HMCN1: variants seen among roughly 807,000 people sequenced by gnomAD.
The protein encoded by HMCN1 is hemicentin 1.
A neutral mutation model predicts 625.9 loss-of-function variants in HMCN1; 321 were observed. The ratio of observed to expected loss-of-function variants is 0.51; its 90% CI spans 0.47 to 0.56. HMCN1 has a LOEUF of 0.56. Among genes scored for constraint, HMCN1 ranks in the 20% least tolerant of loss-of-function variants. The pLI is 0.00. For missense variants in HMCN1, 6,588 were observed against 6,887.3 expected, an observed-to-expected ratio of 0.96 and a Z score of 1.54; for synonymous variants, 2,425 against 2,417.6, an observed-to-expected ratio of 1.00 and a Z score of -0.09.
chr1:186,181,332 C>T (rs1277428429), intron 104 of HMCN1, among the ~76,000 whole-genome samples: 1 of 152,126 alleles, frequency 6.6e-6, no homozygotes, highest in Non-Finnish European at 1.5e-5. Flanking sequence ...AAATCACATA[C>T]TTTATCCTTA....
At chr1:185,841,891 T>C (rs1661499253) in intron 1 of HMCN1, among the ~76,000 whole-genome samples, 1 of 152,214 alleles carries the variant, frequency 6.6e-6, no homozygotes, top group Non-Finnish European at 1.5e-5. Flanking sequence ...TTCTTGCAAA[T>C]ATAGGTAGTG....
intron 83 of HMCN1, among the ~76,000 whole-genome samples, chr1:186,129,343 GTTAT>G (rs1462397056): frequency 6.6e-6 from 1 of 150,550 alleles, no homozygotes; most frequent in Non-Finnish European, 1.5e-5. Context: ...AATGTTATAT[GTTAT>G]TTATAATATA....
chr1:186,173,655 AG>A (rs1173658474), intron 102 of HMCN1, among the ~76,000 whole-genome samples: 25 of 133,730 alleles, frequency 1.9e-4, no homozygotes, highest in African/African-American at 5.7e-4. Flanking sequence ...AAAAAAAAAA[AG>A]AAAAAAGAAA....
At chr1:185,819,013 CGGATCACAAGGTCA>C (rs1467836450) in intron 1 of HMCN1, among the ~76,000 whole-genome samples, 1 of 151,094 alleles carries the variant, frequency 6.6e-6, no homozygotes, top group Non-Finnish European at 1.5e-5. Context: ...CTGAGGCGGG[CGGATCACAAGGTCA>C]GGAGTTCGAG....
chr1:186,032,986 T>A (rs1655565824), intron 36 of HMCN1, among the ~76,000 whole-genome samples: 2 of 151,932 alleles, frequency 1.3e-5, no homozygotes, highest in South Asian at 4.2e-4. Flanking sequence ...CAGCACAATT[T>A]GCAATTGCAA....
At chr1:186,012,646 T>C (rs1654080413) in intron 30 of HMCN1, among the ~76,000 whole-genome samples, 3 of 152,274 alleles carry the variant, frequency 2.0e-5, no homozygotes, top group African/African-American at 7.2e-5. Flanking sequence ...TGAGATCATA[T>C]CTGATTTAAT....
At chr1:186,044,435 C>A (rs1656422524) in intron 40 of HMCN1, among the ~76,000 whole-genome samples, 1 of 152,026 alleles carries the variant, frequency 6.6e-6, no homozygotes, top group Admixed American at 6.6e-5. Flanking sequence ...TGGTTCATAC[C>A]CTTTCCCTCT....
At chr1:186,175,643 C>T (rs56192309) in intron 103 of HMCN1, among the ~76,000 whole-genome samples, 7,754 of 151,926 alleles carry the variant, frequency 0.051, 219 homozygotes, top group South Asian at 0.087. Context: ...TGTATTTATT[C>T]ACCAATTTGG....
intron 46 of HMCN1, among the ~76,000 whole-genome samples, chr1:186,058,102 T>A (rs1657461426): frequency 6.6e-6 from 1 of 151,972 alleles, no homozygotes; most frequent in South Asian, 2.1e-4. Flanking sequence ...ACACACCTCA[T>A]GCTGGAGCTT....
intron 1 of HMCN1, among the ~76,000 whole-genome samples, chr1:185,780,536 T>C (rs1341229073): frequency 6.6e-6 from 1 of 152,346 alleles, no homozygotes; most frequent in East Asian, 1.9e-4. Flanking sequence ...ATACCTAATT[T>C]ATTGAGAGTT....
At position 186,034,805 on chromosome 1, in the gene HMCN1, C is replaced by G. The variant is rs191112277; in HGVS notation, c.5750-3129C>G. ...AAGTCTTTGGTTAATTTCCCAAGTT[C>G]TGAAAAGGTTGATTTTGACAATGTT... On this transcript the variant is annotated intron_variant, in intron 36 of 106. Transcript: ENST00000271588. 3.0e-4 allele frequency among the ~76,000 whole-genome samples: 45 copies of G among 152,230 alleles called. No individual in the cohort carries two copies. The East Asian group carries it at 8.5e-3, about 29-fold the overall frequency.
intron 105 of HMCN1, among the ~76,000 whole-genome samples, chr1:186,184,120 T>A (rs1322585020): frequency 6.6e-6 from 1 of 152,194 alleles, no homozygotes; most frequent in Non-Finnish European, 1.5e-5. Flanking sequence ...AGCTTTCAGT[T>A]GTGCTACAGA....
intron 1 of HMCN1, among the ~76,000 whole-genome samples, chr1:185,845,677 C>T (rs1028153405): frequency 4.6e-5 from 7 of 152,248 alleles, no homozygotes; most frequent in South Asian, 4.1e-4. Flanking sequence ...GAATTATAGA[C>T]GAATAAGTGA....
chr1:186,182,133 G>C, intron 104 of HMCN1, 35 bp from the exon 105 acceptor site: 1 of 1,611,222 alleles, frequency 6.2e-7, no homozygotes, highest in Non-Finnish European at 8.5e-7. Context: ...CTTTTTTCTT[G>C]TGTAGTGATA....
chr1:186,074,579 A>G (rs1478180477), intron 52 of HMCN1, among the ~76,000 whole-genome samples, 162 bp from the exon 53 acceptor site: 1 of 152,192 alleles, frequency 6.6e-6, no homozygotes, highest in Non-Finnish European at 1.5e-5. Context: ...CAATGAGTTT[A>G]ATCAAAGTAA....
intron 36 of HMCN1, among the ~76,000 whole-genome samples, chr1:186,033,749 T>G (rs1655640224): frequency 6.6e-6 from 1 of 152,234 alleles, no homozygotes; most frequent in Non-Finnish European, 1.5e-5. Context: ...CTATTATGCT[T>G]CTTTTTCTAT....
intron 4 of HMCN1, among the ~76,000 whole-genome samples, chr1:185,873,531 A>G (rs1207060913): frequency 1.3e-5 from 2 of 152,130 alleles, no homozygotes; most frequent in Non-Finnish European, 2.9e-5. Flanking sequence ...AAAATCAGCA[A>G]TGATGAGACA....
rs115870223 is a variant in HMCN1, at chr1:185,813,680, G to A, written c.269-32346G>A. Among the ~76,000 whole-genome samples the A allele has an allele frequency of 2.2e-3, 332 of 152,192 alleles. 2 individuals carry two copies. Among genetic ancestry groups the A allele is most frequent in the African/African-American group, 7.5e-3 (313 of 41,552 alleles). On this transcript the variant is annotated intron_variant, in intron 1 of 106. Coordinates refer to ENST00000271588, the MANE Select transcript of HMCN1 (RefSeq NM_031935.3). Reference sequence around the variant, plus strand: ...ACTTTTATAAGGAATTTTACATATCGTGGTATTAAGCACACATCTTAAATT... The same window carrying A: ...ACTTTTATAAGGAATTTTACATATCATGGTATTAAGCACACATCTTAAATT...
At chr1:185,809,552 C>T (rs985251020) in intron 1 of HMCN1, among the ~76,000 whole-genome samples, 2 of 151,724 alleles carry the variant, frequency 1.3e-5, no homozygotes, top group Admixed American at 1.3e-4. Flanking sequence ...TCCTACTGTG[C>T]ATCTTGTATT....
Sources: allele counts gnomAD v4.1 joint callset (sites outside exome capture counted in the v4.1 genomes callset), GRCh38; gene constraint gnomAD v4.1.1; transcripts MANE v1.5; gene names NCBI Gene and HGNC (gene_info 2026-07-23, HGNC 2026-07-21).